PCDHGA1: variants seen among roughly 807,000 people sequenced by gnomAD.
The protein encoded by PCDHGA1 is protocadherin gamma-A1.
PCDHGA1 carries 32 observed loss-of-function variants against 58.0 expected under a neutral mutation model. The observed-to-expected ratio is 0.55, with a 90% CI of 0.42 to 0.74. The LOEUF (loss-of-function observed/expected upper bound fraction) is 0.74. Ranked by LOEUF, PCDHGA1 falls within the 30% of genes least tolerant of loss-of-function variation. The pLI, the probability that PCDHGA1 is intolerant of heterozygous loss-of-function variation, is 0.00. For missense variants in PCDHGA1, 1,205 were observed against 1,182.3 expected (o/e 1.02, Z -0.28); for synonymous variants, 498 against 501.1 (o/e 0.99, Z 0.08).
At position 141,432,707 on chromosome 5, in the gene PCDHGA1, G is replaced by A. The variant is rs750859951; in HGVS notation, c.2422-62100G>A. ...CCTCGTAGTGGCCGTCCAGGACCAC[G>A]GCCAGCCCCCTCTCTCCGCCACTGT... On this transcript the variant is annotated intron_variant, in intron 1 of 3. Coordinates refer to ENST00000517417, the MANE Select transcript of PCDHGA1 (RefSeq NM_018912.3). The surrounding 1 kb of genome is among the most constrained non-coding windows in gnomAD (Gnocchi z 6.0). 5 of 1,613,988 alleles carry A rather than the reference G, an allele frequency of 3.1e-6. No individual in the cohort carries two copies. Among genetic ancestry groups the A allele is most frequent in the Non-Finnish European group, 4.2e-6 (5 of 1,179,970 alleles).
intron 1 of PCDHGA1, chr5:141,383,409 C>A (rs199780721): frequency 4.3e-6 from 7 of 1,613,892 alleles, no homozygotes; most frequent in Non-Finnish European, 5.9e-6. Flanking sequence ...TCCAGAGTTA[C>A]CAGCTCAGCC....
intron 1 of PCDHGA1, chr5:141,413,772 A>G: frequency 1.9e-6 from 3 of 1,613,226 alleles, no homozygotes; most frequent in Non-Finnish European, 2.5e-6. Context: ...CGGAGCTGGT[A>G]CTGGAGCACT....
chr5:141,389,928 C>G, intron 1 of PCDHGA1: 1 of 1,614,066 alleles, frequency 6.2e-7, no homozygotes, highest in Non-Finnish European at 8.5e-7. Flanking sequence ...CCCCTCTGAC[C>G]TCCAGGCTGA....
At position 141,371,931 on chromosome 5, in the gene PCDHGA1, G is replaced by A. The variant is rs934034667; in HGVS notation, c.2421+38826G>A. 21 of 1,613,254 alleles carry A rather than the reference G, an allele frequency of 1.3e-5. No homozygotes were observed. The Middle Eastern group carries it at 4.9e-4, about 38-fold the overall frequency. ...CGTGTCCGTGAGCGCGCGGAGCGGG[G>A]TGGTGTTCGCGCAGCGAGCCTTCGA... On this transcript the variant is annotated intron_variant, in intron 1 of 3. Transcript: ENST00000517417.
chr5:141,427,854 TGC>T (rs2097079964), intron 1 of PCDHGA1: 1 of 1,553,594 alleles, frequency 6.4e-7, no homozygotes, highest in Non-Finnish European at 8.8e-7. Context: ...CGAGCAGCTG[TGC>T]GCCTTCGAGC....
intron 1 of PCDHGA1, among the ~76,000 whole-genome samples, chr5:141,452,815 A>G (rs1199990390): frequency 6.6e-6 from 1 of 152,186 alleles, no homozygotes; most frequent in Admixed American, 6.5e-5. Flanking sequence ...TTTGTTCATA[A>G]GAAGCAAAAT....
chr5:141,393,007 G>A (rs1486010375), intron 1 of PCDHGA1: 3 of 1,613,850 alleles, frequency 1.9e-6, no homozygotes, highest in East Asian at 2.2e-5. Context: ...CACGGAGTCC[G>A]TATCGTCTCC....
intron 2 of PCDHGA1, among the ~76,000 whole-genome samples, chr5:141,499,016 GGAAGGAA>G (rs2099788564): frequency 7.0e-6 from 1 of 143,496 alleles, no homozygotes; most frequent in Non-Finnish European, 1.5e-5. Flanking sequence ...AAGGAAGGAA[GGAAGGAA>G]GGAAGAAAAG....
chr5:141,353,584 A>G (rs1349992377), intron 1 of PCDHGA1, among the ~76,000 whole-genome samples: 1 of 152,198 alleles, frequency 6.6e-6, no homozygotes, highest in Non-Finnish European at 1.5e-5. Flanking sequence ...AGTCAATGAT[A>G]TTTCATAATT....
chr5:141,356,236 G>A (rs1242368458), intron 1 of PCDHGA1: 2 of 1,587,552 alleles, frequency 1.3e-6, no homozygotes, highest in Non-Finnish European at 1.7e-6. Context: ...CAACGCACCA[G>A]AAGTCACAGT....
At chr5:141,484,300 C>G (rs927710366) in intron 1 of PCDHGA1, among the ~76,000 whole-genome samples, 1 of 152,190 alleles carries the variant, frequency 6.6e-6, no homozygotes, top group Non-Finnish European at 1.5e-5. Context: ...CTCCTGGCTT[C>G]CTCCACCCCG....
chr5:141,401,508 C>G (rs2094162050), intron 1 of PCDHGA1, among the ~76,000 whole-genome samples: 1 of 152,302 alleles, frequency 6.6e-6, no homozygotes, highest in East Asian at 1.9e-4. Flanking sequence ...TTTTCCACCT[C>G]TATATAATTA....
chr5:141,432,650 G>T lies in PCDHGA1; in HGVS notation c.2422-62157G>T. 6.2e-7 allele frequency: 1 copy of T among 1,613,868 alleles called. No individual in the cohort carries two copies. The highest frequency in any genetic ancestry group is 1.1e-5 in the South Asian group (1 of 91,064). On this transcript the variant is annotated intron_variant, in intron 1 of 3. Transcript: ENST00000517417. The surrounding 1 kb of genome is among the most constrained non-coding windows in gnomAD (Gnocchi z 6.0). The stretch of plus-strand genomic sequence containing the variant: ...CACGGGCGAGGTGCGCACGGCGCGA[G>T]CCCTGCTGGACAGAGACGCGCTCAA...
chr5:141,482,859 G>A (rs1371172226), intron 1 of PCDHGA1, among the ~76,000 whole-genome samples: 3 of 148,230 alleles, frequency 2.0e-5, no homozygotes, highest in Admixed American at 6.7e-5. Flanking sequence ...ATCACTTGAG[G>A]TCAGGAGTTT....
intron 1 of PCDHGA1, among the ~76,000 whole-genome samples, chr5:141,484,837 T>C (rs1289449270): frequency 6.6e-6 from 1 of 151,620 alleles, no homozygotes; most frequent in Non-Finnish European, 1.5e-5. Context: ...GGCGAAAAGA[T>C]AGGCTGGGTT....
intron 1 of PCDHGA1, chr5:141,424,465 A>G (rs564844819): frequency 1.3e-5 from 2 of 152,146 alleles, no homozygotes; most frequent in Admixed American, 6.5e-5. Context: ...ATTTCCTTTT[A>G]TTCTTTTACT....
At chr5:141,430,782 G>A (rs1220976669) in intron 1 of PCDHGA1, 2 of 1,510,858 alleles carry the variant, frequency 1.3e-6, no homozygotes, top group Non-Finnish European at 1.8e-6. Flanking sequence ...CGACTGCACC[G>A]GGACTACAAA....
chr5:141,427,652 G>T, intron 1 of PCDHGA1: 1 of 721,166 alleles, frequency 1.4e-6, no homozygotes, highest in Non-Finnish European at 2.5e-6. Flanking sequence ...TCTCCTACGT[G>T]GTCCACGTGG....
rs988237114 is a variant in PCDHGA1 at position 141,493,830 on chromosome 5, G to A, written c.2422-977G>A. On this transcript the variant is annotated intron_variant, in intron 1 of 3. Transcript: ENST00000517417. This position sits in a 1 kb window ranked among gnomAD's most constrained non-coding sequence, Gnocchi z 4.3. ...ATACTCACACTCTCTGCTTCTGGGA[G>A]CAAGTATGAGTATTAATTACCAGCC... 1.3e-5 allele frequency among the ~76,000 whole-genome samples: 2 copies of A among 152,218 alleles called. No individual in the cohort carries two copies. The highest frequency in any genetic ancestry group is 4.8e-5 in the African/African-American group (2 of 41,456).
Sources: allele counts gnomAD v4.1 joint callset (sites outside exome capture counted in the v4.1 genomes callset), GRCh38; gene constraint gnomAD v4.1.1; non-coding constraint Gnocchi (gnomAD v3.1); transcripts MANE v1.5; gene names NCBI Gene and HGNC (gene_info 2026-07-23, HGNC 2026-07-21).